LRP1B: variants seen among roughly 807,000 people sequenced by gnomAD.
LRP1B encodes the protein low-density lipoprotein receptor-related protein 1B.
LRP1B carries 217 observed loss-of-function variants against 556.6 expected under a neutral mutation model. That is an observed-to-expected ratio of 0.39 (90% CI 0.35 to 0.44). The LOEUF (loss-of-function observed/expected upper bound fraction) is 0.44, where lower values mean the gene tolerates loss of function less well. Among genes scored for constraint, LRP1B ranks in the 20% least tolerant of loss-of-function variants. The pLI, the probability that LRP1B is intolerant of heterozygous loss-of-function variation, is 1.00. For synonymous variants in LRP1B, 2,047 were observed against 1,865.8 expected, an observed-to-expected ratio of 1.10 and a Z score of -2.50; for missense variants, 5,053 against 5,620.8, an observed-to-expected ratio of 0.90 and a Z score of 3.23.
chr2:141,148,919 A>T (rs1262251820), intron 7 of LRP1B, among the ~76,000 whole-genome samples: 1 of 152,080 alleles, frequency 6.6e-6, no homozygotes, highest in Non-Finnish European at 1.5e-5. Context: ...CCCAGTCTCT[A>T]CTAAAAATAC....
intron 9 of LRP1B, among the ~76,000 whole-genome samples, chr2:141,057,063 C>A (rs1043613717): frequency 1.3e-5 from 2 of 151,774 alleles, no homozygotes; most frequent in Non-Finnish European, 2.9e-5. Flanking sequence ...CTACTTCTTA[C>A]CACTTTCACT....
chr2:141,661,164 C>T (rs56261462), intron 2 of LRP1B, among the ~76,000 whole-genome samples: 33,674 of 152,080 alleles, frequency 0.22, 4,561 homozygotes, highest in East Asian at 0.53. Context: ...ACAAAAACCC[C>T]ATCCAAAGGT....
chr2:140,496,195 G>A (rs1688925748), intron 55 of LRP1B, among the ~76,000 whole-genome samples: 1 of 152,036 alleles, frequency 6.6e-6, no homozygotes, highest in Admixed American at 6.6e-5. Flanking sequence ...AATCTCTAAT[G>A]TAGATATTAT....
intron 7 of LRP1B, among the ~76,000 whole-genome samples, chr2:141,102,872 TTAG>T (rs1283363093): frequency 1.3e-5 from 2 of 152,122 alleles, no homozygotes; most frequent in African/African-American, 4.8e-5. Flanking sequence ...TATTTATGAA[TTAG>T]TAGTGAAACC....
chr2:141,957,168 A>G (rs1446936417), intron 1 of LRP1B, among the ~76,000 whole-genome samples: 4 of 152,036 alleles, frequency 2.6e-5, no homozygotes, highest in African/African-American at 4.8e-5. Flanking sequence ...TTTCTTGCCA[A>G]CTAACTTTGG....
intron 2 of LRP1B, among the ~76,000 whole-genome samples, chr2:141,660,194 G>A (rs72846569): frequency 0.056 from 8,537 of 152,162 alleles, 330 homozygotes; most frequent in Non-Finnish European, 0.083. Context: ...GAAAAGCAGG[G>A]TGGAGCGACA....
chr2:140,574,424 T>C (rs552776228), intron 43 of LRP1B, among the ~76,000 whole-genome samples: 2 of 152,304 alleles, frequency 1.3e-5, no homozygotes, highest in African/African-American at 4.8e-5. Flanking sequence ...ATAAATGGCA[T>C]GAACATCTGC....
At chr2:140,323,381 T>C (rs933849771) in intron 81 of LRP1B, among the ~76,000 whole-genome samples, 1 of 151,886 alleles carries the variant, frequency 6.6e-6, no homozygotes, top group Non-Finnish European at 1.5e-5. Flanking sequence ...GTTCTTTTTG[T>C]ATATATTTAA....
chr2:140,256,631 G>T (rs1466044433), intron 86 of LRP1B, among the ~76,000 whole-genome samples: 3 of 151,056 alleles, frequency 2.0e-5, no homozygotes, highest in Non-Finnish European at 4.4e-5. Flanking sequence ...ACCAAGCCCG[G>T]CTAATTTTTG....
intron 3 of LRP1B, among the ~76,000 whole-genome samples, chr2:141,438,297 G>A (rs1447011153): frequency 2.6e-5 from 4 of 151,988 alleles, no homozygotes; most frequent in Admixed American, 6.6e-5. Context: ...GTGCATGTGT[G>A]TAATGTGTGT....
At chr2:141,582,996 T>C (rs868570945) in intron 2 of LRP1B, among the ~76,000 whole-genome samples, 4 of 151,932 alleles carry the variant, frequency 2.6e-5, no homozygotes, top group Middle Eastern at 3.4e-3. Context: ...CCACCATGCC[T>C]GGCTAATTTT....
chr2:141,898,265 T>C (rs1238412797), intron 1 of LRP1B, among the ~76,000 whole-genome samples: 1 of 152,126 alleles, frequency 6.6e-6, no homozygotes, highest in Non-Finnish European at 1.5e-5. Flanking sequence ...CGGAAAGTCA[T>C]GGAGCCAGGC....
chr2:140,466,845 T>A (rs1293154251), intron 60 of LRP1B, among the ~76,000 whole-genome samples: 1 of 152,220 alleles, frequency 6.6e-6, no homozygotes, highest in Non-Finnish European at 1.5e-5. Flanking sequence ...CACAGTATTT[T>A]CAGCCTTTTC....
intron 7 of LRP1B, among the ~76,000 whole-genome samples, chr2:141,118,466 C>G (rs1368149641): frequency 6.6e-6 from 1 of 151,888 alleles, no homozygotes; most frequent in Non-Finnish European, 1.5e-5. Context: ...TGGTCAAGAG[C>G]TGACTTTTTT....
chr2:140,908,316 C>A (rs1172073635), intron 21 of LRP1B, among the ~76,000 whole-genome samples: 2 of 146,300 alleles, frequency 1.4e-5, no homozygotes, highest in Non-Finnish European at 3.0e-5. Flanking sequence ...CAAGTCATTG[C>A]TCTGCTCTCT....
At chr2:141,643,064 C>T (rs905306517) in intron 2 of LRP1B, among the ~76,000 whole-genome samples, 3 of 151,924 alleles carry the variant, frequency 2.0e-5, no homozygotes, top group South Asian at 2.1e-4. Context: ...GACAAAATGT[C>T]GATATGAAAT....
At chr2:141,267,478 G>T (rs557910855) in intron 3 of LRP1B, among the ~76,000 whole-genome samples, 88 of 152,258 alleles carry the variant, frequency 5.8e-4, no homozygotes, top group African/African-American at 2.0e-3. Flanking sequence ...GAGAGTACAA[G>T]GTGCATTGGA....
intron 14 of LRP1B, among the ~76,000 whole-genome samples, chr2:141,007,487 T>C (rs1045419779): frequency 6.7e-6 from 1 of 148,606 alleles, no homozygotes; most frequent in African/African-American, 2.5e-5. Flanking sequence ...TTAAGCCTAA[T>C]ACAGGGTTTT....
At chr2:141,323,678 A>G (rs1382530838) in intron 3 of LRP1B, among the ~76,000 whole-genome samples, 1 of 152,032 alleles carries the variant, frequency 6.6e-6, no homozygotes, top group Non-Finnish European at 1.5e-5. Context: ...CCTAATAAAC[A>G]TCAAGACTCA....
Sources: gnomAD v4.1 joint callset for allele counts (sites outside exome capture counted in the v4.1 genomes callset) on GRCh38, gnomAD v4.1.1 for gene constraint, MANE v1.5 for transcripts, NCBI Gene and HGNC (gene_info 2026-07-23, HGNC 2026-07-21) for gene names.